WIZ: variants seen among roughly 807,000 people sequenced by gnomAD.
The protein encoded by WIZ is WIZ zinc finger.
A neutral mutation model predicts 140.2 loss-of-function variants in WIZ; 25 were observed. The observed-to-expected ratio is 0.18, with a 90% CI of 0.13 to 0.25. WIZ has a LOEUF of 0.25. Ranked by LOEUF, WIZ falls within the 10% of genes least tolerant of loss-of-function variation. WIZ has a pLI of 1.00. For missense variants in WIZ, 2,231 were observed against 2,632.6 expected (o/e 0.85, Z 3.34); for synonymous variants, 1,125 against 1,154.3 (o/e 0.97, Z 0.51).
At chr19:15,445,157 G>A (rs1447559533) in intron 2 of WIZ, among the ~76,000 whole-genome samples, 1 of 152,236 alleles carries the variant, frequency 6.6e-6, no homozygotes, top group Non-Finnish European at 1.5e-5. Context: ...GGCCCTTGTT[G>A]GCTCCTGCCA....
At position 15,429,621 on chromosome 19, in the gene WIZ, C is replaced by G; in HGVS notation, c.3380G>C (p.Trp1127Ser). Residue 1127 changes from tryptophan (W) to serine (S), a missense_variant, in exon 7 of 13, where the codon TGG (tryptophan) becomes TCG (serine). Transcript: ENST00000673675. ...GGGCCCCTCATCCTCAGACTGAGGC[C>G]ACTGTGCCTTTGGGGAGGCCGGCCG... ...SPRPASPKAQWPQSEDEGPLN... is the reference protein window; with the variant it reads ...SPRPASPKAQSPQSEDEGPLN... The G allele has an allele frequency of 7.1e-7, 1 of 1,414,376 alleles. No individual in the cohort carries two copies. The highest frequency in any genetic ancestry group is 9.2e-7 in the Non-Finnish European group (1 of 1,087,206). 87.6% of individuals were successfully genotyped at this position (1,414,376 alleles called of 1,614,324 possible).
At chr19:15,446,121 CCTT>C (rs1417419275) in intron 2 of WIZ, among the ~76,000 whole-genome samples, 2 of 152,152 alleles carry the variant, frequency 1.3e-5, no homozygotes, top group Admixed American at 1.3e-4. Flanking sequence ...CTGAGGGAAA[CCTT>C]CAAGGGTGGG....
At chr19:15,436,722 G>A (rs985857035) in intron 5 of WIZ, 84 bp downstream of exon 5, 8 of 1,357,422 alleles carry the variant, frequency 5.9e-6, no homozygotes, top group South Asian at 3.2e-5. Context: ...AAAGCTGAGC[G>A]GCTGCCCCTC....
At position 15,440,687 on chromosome 19, in the gene WIZ, G is replaced by A. The variant is rs370289307; in HGVS notation, c.307C>T (p.Arg103Trp). The change falls in exon 4 of 13, where the codon CGG (arginine) becomes TGG (tryptophan). Residue 103 changes from arginine to tryptophan, a missense_variant. Physicochemically the swap from Arg to Trp is moderately radical, Grantham distance 101. Coordinates refer to ENST00000673675, the MANE Select transcript of WIZ (RefSeq NM_001371589.1). The surrounding 1 kb of genome is among the most constrained non-coding windows in gnomAD (Gnocchi z 6.2). ...AGATGGGGTGGTGGGGAGCCCGGCCGGAAGTCCAGGCTGCCTCCATCCCAG... is the reference window on the plus strand; with the variant it reads ...AGATGGGGTGGTGGGGAGCCCGGCCAGAAGTCCAGGCTGCCTCCATCCCAG... The part of the protein sequence containing the change: ...CCWDGGSLDF[R>W]PGSPPPHLLG... 6.8e-5 allele frequency: 102 copies of A among 1,508,040 alleles called. No homozygotes were observed. Among genetic ancestry groups the A allele is most frequent in the East Asian group, 3.7e-4 (15 of 40,502 alleles). 93.4% of individuals were successfully genotyped at this position (1,508,040 alleles called of 1,614,324 possible). A position where few individuals can be genotyped will look rare whatever the true frequency, so the allele number is the denominator to read the frequency against.
At chr19:15,445,394 G>A (rs935443872) in intron 2 of WIZ, among the ~76,000 whole-genome samples, 4 of 152,184 alleles carry the variant, frequency 2.6e-5, no homozygotes, top group African/African-American at 9.7e-5. Context: ...ACCCAGTCTC[G>A]CAGGGCCAGC....
Position 15,428,581 on chromosome 19 carries a change from T to C in WIZ, c.3416-73A>G. The C allele has an allele frequency of 6.6e-7, 1 of 1,525,674 alleles. No individual in the cohort carries two copies. The highest frequency in any genetic ancestry group is 1.2e-5 in the South Asian group (1 of 83,268). 94.5% of individuals were successfully genotyped at this position (1,525,674 alleles called of 1,614,324 possible). On this transcript the variant is annotated intron_variant, in intron 7 of 12. Coordinates refer to ENST00000673675, the MANE Select transcript of WIZ (RefSeq NM_001371589.1). This position sits in a 1 kb window ranked among gnomAD's most constrained non-coding sequence, Gnocchi z 6.4. The stretch of plus-strand genomic sequence containing the variant: ...GCCTTGGGGGCCTGAGGTAGGAGGG[T>C]CTGGTGTGATTTTTGGCTGCTCAGG...
At position 15,440,859 on chromosome 19, in the gene WIZ, G is replaced by T; in HGVS notation, c.279-144C>A. ...GACAGGGGTGTGGGGGTGAGGGTGG[G>T]AGGTAGGGGGAGTCCACGTGGATCC... On this transcript the variant is annotated intron_variant, in intron 3 of 12. Coordinates refer to ENST00000673675, the MANE Select transcript of WIZ (RefSeq NM_001371589.1). This position sits in a 1 kb window ranked among gnomAD's most constrained non-coding sequence, Gnocchi z 6.2. The T allele has an allele frequency of 4.3e-6, 3 of 705,002 alleles. No individual in the cohort carries two copies. The highest frequency in any genetic ancestry group is 4.5e-6 in the Non-Finnish European group (2 of 441,486). 43.7% of individuals were successfully genotyped at this position (705,002 alleles called of 1,614,324 possible).
At position 15,424,753 on chromosome 19, in the gene WIZ, C is replaced by A. The variant is rs1359608572; in HGVS notation, c.5174G>T (p.Gly1725Val). The A allele has an allele frequency of 3.2e-6, 5 of 1,569,152 alleles. No individual in the cohort carries two copies. Among genetic ancestry groups the A allele is most frequent in the South Asian group, 2.3e-5 (2 of 86,264 alleles). The change falls in exon 11 of 13, where the codon GGC becomes GTC. Residue 1725 changes from glycine (G) to valine (V), a missense_variant. This residue lies in a region of WIZ where 299 missense variants were observed against 309.6 expected (regional missense o/e 0.97). Coordinates refer to ENST00000673675, the MANE Select transcript of WIZ (RefSeq NM_001371589.1). The surrounding 1 kb of genome is among the most constrained non-coding windows in gnomAD (Gnocchi z 9.7). The stretch of plus-strand genomic sequence containing the variant: ...GGCACTGCGGCCGACCACGGCCAGG[C>A]CCCCGGGTGCCAGCCCCAGGGACGG... ...KRPSLGLAPG[G>V]LAVVGRSAGG...
chr19:15,423,486 T>A (rs1438153630), intron 12 of WIZ, among the ~76,000 whole-genome samples: 1 of 152,180 alleles, frequency 6.6e-6, no homozygotes, highest in Non-Finnish European at 1.5e-5. Context: ...AGGTAAGGGC[T>A]ACTGGCTTCC....
Position 15,438,663 on chromosome 19 carries a change from G to A in WIZ, c.2331C>T (p.Val777=). The change falls in exon 4 of 13, where the codon GTC becomes GTT. Residue 777 remains valine, a synonymous_variant. Transcript: ENST00000673675. The stretch of plus-strand genomic sequence containing the variant: ...AGATGAAATGGCGCACATTGTAGCT[G>A]ACGCCCACGCGGTTCAGGTGGCCCC... ...HVRGHLNRVG[V]SYNVRHFISA... 1 of 1,536,028 alleles carries A rather than the reference G, an allele frequency of 6.5e-7. No individual in the cohort carries two copies. The highest frequency in any genetic ancestry group is 8.7e-7 in the Non-Finnish European group (1 of 1,146,766).
At chr19:15,432,774 T>TGCC (rs891325436) in intron 5 of WIZ, among the ~76,000 whole-genome samples, 1 of 151,024 alleles carries the variant, frequency 6.6e-6, no homozygotes, top group South Asian at 2.1e-4. Flanking sequence ...CGAGTGCCGC[T>TGCC]GCCGCCGCCG....
rs1327073652 is a variant in WIZ at position 15,423,047 on chromosome 19, C to T, written c.*29G>A. The T allele has an allele frequency of 6.2e-7, 1 of 1,604,272 alleles. No individual in the cohort carries two copies. The highest frequency in any genetic ancestry group is 2.2e-5 in the East Asian group (1 of 44,720). On this transcript the variant is annotated 3_prime_UTR_variant, in exon 13 of 13. Coordinates refer to ENST00000673675, the MANE Select transcript of WIZ (RefSeq NM_001371589.1). ...GAGGAAGAAGAGGAGACAGAGGTGGCACGAGAGGGGATCTGGAATGCTTTT... is the reference window on the plus strand; with the variant it reads ...GAGGAAGAAGAGGAGACAGAGGTGGTACGAGAGGGGATCTGGAATGCTTTT...
Position 15,431,154 on chromosome 19 carries a change from C to A in WIZ, c.2769G>T (p.Val923=). 6.5e-7 allele frequency: 1 copy of A among 1,532,520 alleles called. No individual in the cohort carries two copies. The allele number at this position is 1,532,520 out of a possible 1,614,324, so 94.9% of individuals were successfully genotyped here. ...GCGAGGGAGAGCCCAAGTCCATGGC[C>A]ACCATTGCGTTTTCCTCAGAACCCA... ...DGLGSEENAM[V]AMDLGSPSLP... is the part of the protein sequence containing the mutation. Residue 923 remains valine (V), a synonymous_variant, in exon 6 of 13, where the codon GTG becomes GTT. Transcript: ENST00000673675.
Position 15,423,184 on chromosome 19 carries a change from C to T in WIZ, c.5562G>A (p.Val1854=). The T allele has an allele frequency of 6.2e-7, 1 of 1,613,858 alleles. No individual in the cohort carries two copies. ...QGPLSIQEEW[V]RHLQRHILEM... is the part of the protein sequence containing the mutation. Reference sequence around the variant, plus strand: ...CCAGGATGTGCCGCTGTAAGTGCCGCACCCACTCTTCCTGGATGGAGAGGG... The same window carrying T: ...CCAGGATGTGCCGCTGTAAGTGCCGTACCCACTCTTCCTGGATGGAGAGGG... The change falls in exon 13 of 13, where the codon GTG becomes GTA. Residue 1854 remains valine (V), a synonymous_variant. Coordinates refer to ENST00000673675, the MANE Select transcript of WIZ (RefSeq NM_001371589.1).
intron 5 of WIZ, among the ~76,000 whole-genome samples, chr19:15,435,563 A>G (rs757549510): frequency 5.9e-5 from 9 of 152,208 alleles, no homozygotes; most frequent in Non-Finnish European, 1.2e-4. Context: ...GGCCGGGTGC[A>G]GTGGCTTACG....
In WIZ at chr19:15,437,055, C is replaced by T. The variant is rs773347628; in HGVS notation, c.2491G>A (p.Gly831Ser). The change falls in exon 5 of 13, where the codon GGC becomes AGC. Residue 831 changes from glycine to serine, a missense_variant. By Grantham distance (56) the Gly-to-Ser change is moderately conservative. Around this residue, in one of 15 missense-constraint regions of WIZ, gnomAD observed 118 missense variants for 209.1 expected, o/e 0.56. Transcript: ENST00000673675. ...FCGAGFDTRAGLSSHARAHLR... is the reference protein window; with the variant it reads ...FCGAGFDTRASLSSHARAHLR... ...TGGGCCCGGGCGTGGCTGGAGAGGC[C>T]GGCCCGTGTGTCGAAGCCAGCCCCG... is the stretch of plus-strand genomic sequence containing the variant. 2 of 1,613,260 alleles carry T rather than the reference C, an allele frequency of 1.2e-6. No homozygotes were observed. The highest frequency in any genetic ancestry group is 1.7e-5 in the Admixed American group (1 of 59,902).
chr19:15,425,157 G>A (rs1968660507), intron 10 of WIZ, 84 bp downstream of exon 10: 5 of 1,536,806 alleles, frequency 3.3e-6, no homozygotes, highest in Admixed American at 4.0e-5. Context: ...GCCCCACTTG[G>A]GGTCAGTGTG....
At chr19:15,431,798 C>T (rs1434998299) in intron 5 of WIZ, among the ~76,000 whole-genome samples, 1 of 152,222 alleles carries the variant, frequency 6.6e-6, no homozygotes, top group Non-Finnish European at 1.5e-5. Flanking sequence ...AATCACAGAA[C>T]TTTGTGTTAA....
chr19:15,430,452 G>A (rs1000504536), intron 6 of WIZ, among the ~76,000 whole-genome samples: 4 of 152,152 alleles, frequency 2.6e-5, no homozygotes, highest in African/African-American at 7.2e-5. Context: ...ACTGAACTAA[G>A]TTCTAACCAC....
Sources: allele counts gnomAD v4.1 joint callset (sites outside exome capture counted in the v4.1 genomes callset), GRCh38; gene constraint gnomAD v4.1.1; regional missense constraint gnomAD v4.1.1; non-coding constraint Gnocchi (gnomAD v3.1); transcripts MANE v1.5; gene names NCBI Gene and HGNC (gene_info 2026-07-23, HGNC 2026-07-21).